NEK11: variants seen among roughly 807,000 people sequenced by gnomAD.
NEK11 encodes NIMA related kinase 11, also known as serine/threonine-protein kinase Nek11.
A neutral mutation model predicts 80.7 loss-of-function variants in NEK11; 72 were observed. That is an observed-to-expected ratio of 0.89 (90% CI 0.74 to 1.08). The LOEUF (loss-of-function observed/expected upper bound fraction) is 1.08. NEK11 is among the 50% of genes least tolerant of loss of function. The pLI, the probability that NEK11 is intolerant of heterozygous loss-of-function variation, is 0.00. For missense variants in NEK11, 764 were observed against 763.6 expected, an observed-to-expected ratio of 1.00 and a Z score of -0.01; for synonymous variants, 251 against 260.7, an observed-to-expected ratio of 0.96 and a Z score of 0.36.
intron 4 of NEK11, among the ~76,000 whole-genome samples, chr3:131,102,560 G>A (rs762262579): frequency 3.3e-5 from 5 of 152,210 alleles, no homozygotes; most frequent in South Asian, 2.1e-4. Flanking sequence ...TAGCCTGATG[G>A]GTTTCCCTCT....
At chr3:131,174,396 A>AT (rs1201579001) in intron 14 of NEK11, among the ~76,000 whole-genome samples, 1 of 152,184 alleles carries the variant, frequency 6.6e-6, no homozygotes, top group Non-Finnish European at 1.5e-5. Context: ...ATTTGTATTT[A>AT]TTTTTTATTT....
Position 131,228,657 on chromosome 3 carries a change from G to T in NEK11, c.1529G>T (p.Gly510Val), listed in dbSNP as rs780775226. 1.2e-6 allele frequency: 2 copies of T among 1,613,378 alleles called. No homozygotes were observed. The highest frequency in any genetic ancestry group is 1.7e-6 in the Non-Finnish European group (2 of 1,179,590). ...CCAGAGAAAGAAATCAGGAATGAGGGATCCCAGCCTGCTTACAGAACAAAC... is the reference window on the plus strand; with the variant it reads ...CCAGAGAAAGAAATCAGGAATGAGGTATCCCAGCCTGCTTACAGAACAAAC... ...ERPEKEIRNE[G>V]SQPAYRTNQQ... The change falls in exon 15 of 18, where the codon GGA becomes GTA. Residue 510 changes from glycine (G) to valine (V), a missense_variant. Physicochemically the swap from Gly to Val is moderately radical, Grantham distance 109. Coordinates refer to ENST00000383366, the MANE Select transcript of NEK11 (RefSeq NM_024800.5).
chr3:131,346,061 T>C (rs977064086), intron 17 of NEK11, among the ~76,000 whole-genome samples: 11 of 151,864 alleles, frequency 7.2e-5, no homozygotes, highest in African/African-American at 1.7e-4. Context: ...TGAGGGAATG[T>C]AGGTCAAAGG....
intron 5 of NEK11, among the ~76,000 whole-genome samples, chr3:131,132,391 G>T (rs574844254): frequency 1.7e-4 from 26 of 151,852 alleles, no homozygotes; most frequent in Non-Finnish European, 1.5e-5. Context: ...TGGACATTTG[G>T]GTAATAATAG....
intron 4 of NEK11, among the ~76,000 whole-genome samples, chr3:131,093,199 AG>A (rs1220204121): frequency 1.3e-5 from 2 of 152,216 alleles, no homozygotes; most frequent in East Asian, 3.8e-4. Context: ...TATTTATCCA[AG>A]GGTCCATTAT....
At chr3:131,290,364 G>C (rs191057050) in intron 17 of NEK11, among the ~76,000 whole-genome samples, 69 of 152,314 alleles carry the variant, frequency 4.5e-4, no homozygotes, top group Admixed American at 2.4e-3. Flanking sequence ...TGTTGTATCA[G>C]CTCGTAAGAG....
chr3:131,063,834 C>T (rs1426592679), intron 3 of NEK11, among the ~76,000 whole-genome samples: 1 of 151,704 alleles, frequency 6.6e-6, no homozygotes, highest in Non-Finnish European at 1.5e-5. Flanking sequence ...AGGTACATAC[C>T]CAAAAGACAT....
chr3:131,039,222 A>G (rs1232606518), intron 3 of NEK11, among the ~76,000 whole-genome samples: 1 of 152,034 alleles, frequency 6.6e-6, no homozygotes, highest in Non-Finnish European at 1.5e-5. Context: ...GAGATGTTTT[A>G]TAATAAAAAG....
In NEK11 at chr3:131,141,772, A is replaced by G. The variant is rs536859650; in HGVS notation, c.647+7816A>G. On this transcript the variant is annotated intron_variant, in intron 7 of 17. Coordinates refer to ENST00000383366, the MANE Select transcript of NEK11 (RefSeq NM_024800.5). Reference sequence around the variant, plus strand: ...GCATGAGAAAGCTCAGGTTCTTCTGATTAGCTGTAGGACAAAGTGTGTATG... The same window carrying G: ...GCATGAGAAAGCTCAGGTTCTTCTGGTTAGCTGTAGGACAAAGTGTGTATG... 2.0e-5 allele frequency among the ~76,000 whole-genome samples: 3 copies of G among 152,290 alleles called. No individual in the cohort carries two copies. In the South Asian group the frequency reaches 6.2e-4, roughly 32 times the overall value.
At chr3:131,123,174 T>C (rs2082689664) in intron 5 of NEK11, among the ~76,000 whole-genome samples, 1 of 152,208 alleles carries the variant, frequency 6.6e-6, no homozygotes, top group African/African-American at 2.4e-5. Context: ...TTACGATTTT[T>C]TTTTTCTCCT....
At chr3:131,122,314 G>T (rs1424395858) in intron 5 of NEK11, among the ~76,000 whole-genome samples, 2 of 152,170 alleles carry the variant, frequency 1.3e-5, no homozygotes, top group East Asian at 3.9e-4. Flanking sequence ...CTTTCTCCTG[G>T]TCCTCACTTC....
intron 3 of NEK11, among the ~76,000 whole-genome samples, chr3:131,068,293 T>G (rs1354452132): frequency 6.6e-6 from 1 of 152,172 alleles, no homozygotes; most frequent in Non-Finnish European, 1.5e-5. Flanking sequence ...ACCTGAGAAA[T>G]GTAGGCTCTC....
intron 17 of NEK11, among the ~76,000 whole-genome samples, chr3:131,282,779 T>C (rs2096416868): frequency 6.9e-6 from 1 of 144,084 alleles, no homozygotes; most frequent in Non-Finnish European, 1.5e-5. Context: ...TAACCTGATA[T>C]ATAGCTCATG....
intron 16 of NEK11, among the ~76,000 whole-genome samples, chr3:131,257,312 C>T (rs1321905204): frequency 6.6e-6 from 1 of 151,912 alleles, no homozygotes; most frequent in Non-Finnish European, 1.5e-5. Flanking sequence ...ATCTTACTGG[C>T]AGAGGCTGGT....
chr3:131,154,906 G>T lies in NEK11; in HGVS notation c.877-130G>T. 1.5e-5 allele frequency: 9 copies of T among 593,244 alleles called. No homozygotes were observed. The South Asian group carries it at 2.1e-4, about 14-fold the overall frequency. 36.7% of individuals were successfully genotyped at this position (593,244 alleles called of 1,614,324 possible). ...ATTTTACATAACCCAGGGAAAACTAGCATGCTTTGTTCTCAGGCTCCCTGC... is the reference window on the plus strand; with the variant it reads ...ATTTTACATAACCCAGGGAAAACTATCATGCTTTGTTCTCAGGCTCCCTGC... On this transcript the variant is annotated intron_variant, in intron 9 of 17. Transcript: ENST00000383366.
At chr3:131,027,676 A>G (rs1367123518) in intron 1 of NEK11, 1 of 151,266 alleles carries the variant, frequency 6.6e-6, no homozygotes, top group Admixed American at 6.6e-5. Context: ...AATCTAGACA[A>G]TGCGACACAT....
chr3:131,282,744 C>T (rs530615275), intron 17 of NEK11, among the ~76,000 whole-genome samples: 7 of 152,278 alleles, frequency 4.6e-5, no homozygotes, highest in African/African-American at 1.7e-4. Context: ...CATGAGAAGT[C>T]CATGATCTTT....
At chr3:131,134,690 C>T (rs865803616) in intron 7 of NEK11, among the ~76,000 whole-genome samples, 10 of 152,226 alleles carry the variant, frequency 6.6e-5, no homozygotes, top group South Asian at 2.1e-4. Context: ...TGAGCCACCG[C>T]GCCCAGACTA....
chr3:131,108,315 TAAC>T (rs1343735928), intron 4 of NEK11, among the ~76,000 whole-genome samples: 1 of 152,166 alleles, frequency 6.6e-6, no homozygotes, highest in South Asian at 2.1e-4. Context: ...CTTTGCATCT[TAAC>T]AACAACTCTG....
Sources: gnomAD v4.1 joint callset for allele counts (sites outside exome capture counted in the v4.1 genomes callset) on GRCh38, gnomAD v4.1.1 for gene constraint, MANE v1.5 for transcripts, NCBI Gene and HGNC (gene_info 2026-07-23, HGNC 2026-07-21) for gene names.